The following MACROD2 variants were observed in gnomAD, a reference collection of about 807,000 sequenced individuals.
MACROD2 encodes the protein ADP-ribose glycohydrolase MACROD2.
A neutral mutation model predicts 70.4 loss-of-function variants in MACROD2; 36 were observed. The observed-to-expected ratio is 0.51, with a 90% confidence interval of 0.39 to 0.68. The LOEUF (loss-of-function observed/expected upper bound fraction) is 0.68, where lower values mean the gene tolerates loss of function less well. Ranked by LOEUF, MACROD2 falls within the 30% of genes least tolerant of loss-of-function variation. MACROD2 has a pLI of 0.00. For missense variants in MACROD2, 496 were observed against 538.4 expected, an observed-to-expected ratio of 0.92 and a Z score of 0.78; for synonymous variants, 172 against 178.8, an observed-to-expected ratio of 0.96 and a Z score of 0.30.
At chr20:14,679,389 G>A (rs1007224734) in intron 4 of MACROD2, among the ~76,000 whole-genome samples, 5 of 152,130 alleles carry the variant, frequency 3.3e-5, no homozygotes, top group African/African-American at 1.2e-4. Context: ...CAAGGTCATG[G>A]GTGTGGCCAA....
At chr20:14,276,934 G>A (rs977263178) in intron 3 of MACROD2, among the ~76,000 whole-genome samples, 5 of 151,930 alleles carry the variant, frequency 3.3e-5, no homozygotes, top group South Asian at 2.1e-4. Context: ...AAATACTGTC[G>A]GACCATGTCT....
chr20:14,109,494 G>A (rs991668533), intron 3 of MACROD2, among the ~76,000 whole-genome samples: 7 of 151,308 alleles, frequency 4.6e-5, no homozygotes, highest in African/African-American at 1.7e-4. Flanking sequence ...TAAATAAAAT[G>A]AACCCATATT....
intron 5 of MACROD2, among the ~76,000 whole-genome samples, chr20:15,066,811 G>A (rs924668235): frequency 6.6e-6 from 1 of 151,932 alleles, no homozygotes; most frequent in African/African-American, 2.4e-5. Flanking sequence ...GAACCCGCAA[G>A]GCGGAGGTTG....
At chr20:14,327,327 A>G in intron 3 of MACROD2, 1 of 1,613,832 alleles carries the variant, frequency 6.2e-7, no homozygotes, top group Non-Finnish European at 8.5e-7. Context: ...AGAGAGTTGT[A>G]GCATCCTCTG....
intron 3 of MACROD2, among the ~76,000 whole-genome samples, chr20:14,457,772 G>A (rs2084320412): frequency 6.6e-6 from 1 of 152,054 alleles, no homozygotes; most frequent in Non-Finnish European, 1.5e-5. Flanking sequence ...GACAAGAGAG[G>A]AAGAAAATAC....
At chr20:15,493,666 A>G (rs1052368691) in intron 7 of MACROD2, among the ~76,000 whole-genome samples, 9 of 152,236 alleles carry the variant, frequency 5.9e-5, no homozygotes, top group Non-Finnish European at 1.0e-4. Flanking sequence ...GGAAATATCA[A>G]TAACAGTAAA....
intron 8 of MACROD2, among the ~76,000 whole-genome samples, chr20:15,536,809 A>G (rs943054147): frequency 2.6e-5 from 4 of 152,134 alleles, no homozygotes; most frequent in African/African-American, 9.7e-5. Context: ...TCTTTTTAGT[A>G]TTTTTATAAA....
chr20:15,350,074 T>C (rs915089964), intron 6 of MACROD2, among the ~76,000 whole-genome samples: 3 of 152,156 alleles, frequency 2.0e-5, no homozygotes, highest in African/African-American at 7.2e-5. Context: ...AAAATGCATG[T>C]GAAGAAAAGT....
intron 3 of MACROD2, among the ~76,000 whole-genome samples, chr20:14,097,193 C>T (rs916793648): frequency 6.6e-6 from 1 of 152,156 alleles, no homozygotes; most frequent in Non-Finnish European, 1.5e-5. Flanking sequence ...TTTACAGTGA[C>T]TAGGTCCTTG....
At chr20:14,883,695 G>C (rs2073637476) in intron 5 of MACROD2, among the ~76,000 whole-genome samples, 1 of 152,078 alleles carries the variant, frequency 6.6e-6, no homozygotes, top group Admixed American at 6.5e-5. Flanking sequence ...CTGACATGAA[G>C]CTCTGATATT....
intron 12 of MACROD2, among the ~76,000 whole-genome samples, chr20:15,945,258 G>T (rs538251433): frequency 6.6e-6 from 1 of 152,104 alleles, no homozygotes; most frequent in East Asian, 1.9e-4. Context: ...TACAAATATT[G>T]TATTATATTC....
chr20:15,605,453 C>CGTGTGT (rs57584580), intron 8 of MACROD2, among the ~76,000 whole-genome samples: 5,558 of 141,750 alleles, frequency 0.039, 200 homozygotes, highest in African/African-American at 0.089. Flanking sequence ...AGGATGTAAG[C>CGTGTGT]GTGTGTGTGT....
intron 7 of MACROD2, among the ~76,000 whole-genome samples, chr20:15,452,097 G>A (rs1344572240): frequency 6.6e-6 from 1 of 152,142 alleles, no homozygotes; most frequent in South Asian, 2.1e-4. Context: ...GTCAGGTAGT[G>A]AGAAATCCAG....
chr20:14,678,839 A>G (rs1191835181), intron 4 of MACROD2, among the ~76,000 whole-genome samples: 2 of 152,168 alleles, frequency 1.3e-5, no homozygotes, highest in Admixed American at 6.6e-5. Context: ...CACTTCTAAT[A>G]TAGAACCTCA....
At chr20:14,494,952 A>T (rs532274469) in intron 4 of MACROD2, among the ~76,000 whole-genome samples, 19 of 152,156 alleles carry the variant, frequency 1.2e-4, no homozygotes, top group Admixed American at 9.8e-4. Flanking sequence ...ATTTTAAGAA[A>T]CCTCACGAAT....
intron 10 of MACROD2, among the ~76,000 whole-genome samples, chr20:15,896,585 T>C (rs2064976890): frequency 6.6e-6 from 1 of 152,050 alleles, no homozygotes; most frequent in Non-Finnish European, 1.5e-5. Flanking sequence ...TCTTTTCTCT[T>C]TCTCTTTCCT....
intron 2 of MACROD2, among the ~76,000 whole-genome samples, chr20:14,044,059 A>G (rs1448766359): frequency 3.3e-5 from 5 of 152,220 alleles, no homozygotes. Context: ...GACTTCAAGA[A>G]TGAAGCCACA....
chr20:14,244,756 T>C (rs6042616), intron 3 of MACROD2, among the ~76,000 whole-genome samples: 148,189 of 152,322 alleles, frequency 0.97, 72,093 homozygotes, highest in Admixed American at 0.99. Flanking sequence ...TACTTAAAGC[T>C]TGAATAAATG....
At chr20:15,187,813 C>A (rs1395111990) in intron 5 of MACROD2, among the ~76,000 whole-genome samples, 1 of 152,096 alleles carries the variant, frequency 6.6e-6, no homozygotes, top group East Asian at 1.9e-4. Context: ...TCATAATTAT[C>A]CATGAGTAAG....
Sources: allele counts gnomAD v4.1 joint callset (sites outside exome capture counted in the v4.1 genomes callset), GRCh38; gene constraint gnomAD v4.1.1; transcripts MANE v1.5; gene names NCBI Gene and HGNC (gene_info 2026-07-23, HGNC 2026-07-21).